The following WDR26 variants were observed in gnomAD, a reference collection of about 807,000 sequenced individuals.
WDR26 encodes WD repeat-containing protein 26.
In WDR26, 5 loss-of-function variants were observed where a neutral mutation model predicts 84.1. That is an observed-to-expected ratio of 0.06 (90% CI 0.03 to 0.13). The LOEUF is 0.13. Among genes scored for constraint, WDR26 ranks in the 10% least tolerant of loss-of-function variants. WDR26 has a pLI of 1.00. For missense variants in WDR26, 642 were observed against 974.9 expected, an observed-to-expected ratio of 0.66 and a Z score of 4.55; for synonymous variants, 415 against 389.6, an observed-to-expected ratio of 1.07 and a Z score of -0.77.
chr1:224,391,851 C>G (rs955168722), intron 13 of WDR26, among the ~76,000 whole-genome samples: 3 of 152,178 alleles, frequency 2.0e-5, no homozygotes, highest in Non-Finnish European at 4.4e-5. Flanking sequence ...AGCCAAACAT[C>G]TGGTTATACA....
chr1:224,405,314 C>T (rs563446704), intron 7 of WDR26, among the ~76,000 whole-genome samples: 1 of 152,212 alleles, frequency 6.6e-6, no homozygotes, highest in South Asian at 2.1e-4. Flanking sequence ...TTTGTTTATC[C>T]ATTCATGAGG....
rs944037857 is a variant in WDR26, at chr1:224,386,267, C to T, written c.*3568G>A. ...GGAGGGCAACCCAAAAGGACAGTTG[C>T]GAAATTATGAATGAGAAATTAAAGT... On this transcript the variant is annotated 3_prime_UTR_variant, in exon 14 of 14. Coordinates refer to ENST00000414423, the MANE Select transcript of WDR26 (RefSeq NM_001379403.1). 3 of 152,342 alleles carry T rather than the reference C, an allele frequency of 2.0e-5. No homozygotes were observed. The highest frequency in any genetic ancestry group is 3.8e-4 in the East Asian group (2 of 5,198). The allele number at this position is 152,342 out of a possible 1,614,324, so 9.4% of individuals were successfully genotyped here.
At chr1:224,427,638 T>C (rs1435265402) in intron 3 of WDR26, among the ~76,000 whole-genome samples, 1 of 152,210 alleles carries the variant, frequency 6.6e-6, no homozygotes, top group Non-Finnish European at 1.5e-5. Flanking sequence ...TATCAAATCC[T>C]GGTATTGTGC....
At chr1:224,413,949 A>G (rs906886045) in intron 6 of WDR26, among the ~76,000 whole-genome samples, 5 of 151,894 alleles carry the variant, frequency 3.3e-5, no homozygotes, top group Non-Finnish European at 7.4e-5. Context: ...AGCTGGGATT[A>G]CAGGTGCGCA....
At position 224,434,155 on chromosome 1, in the gene WDR26, G is replaced by A; in HGVS notation, c.251C>T (p.Ala84Val). 1.4e-6 allele frequency: 2 copies of A among 1,422,124 alleles called. No individual in the cohort carries two copies. The highest frequency in any genetic ancestry group is 1.5e-5 in the South Asian group (1 of 65,498). The allele number at this position is 1,422,124 out of a possible 1,614,324, so 88.1% of individuals were successfully genotyped here. Residue 84 changes from alanine (A) to valine (V), a missense_variant, in exon 1 of 14, where the codon GCT becomes GTT. This residue lies in a region of WDR26 where 291 missense variants were observed against 302.1 expected (regional missense o/e 0.96). Transcript: ENST00000414423. ...GCCGCTACTTCGGTGGGGGACAGCA[G>A]CGGCGGCGGGAGGGGCAGCAGCCGG...
At chr1:224,418,529 TTAAA>T (rs1673970638) in intron 5 of WDR26, 113 bp from the exon 6 acceptor site, 1 of 1,022,196 alleles carries the variant, frequency 9.8e-7, no homozygotes. Flanking sequence ...TATCTATTCC[TTAAA>T]TAGAGAAGTT....
At chr1:224,400,457 G>A (rs35603623) in intron 9 of WDR26, among the ~76,000 whole-genome samples, 502 of 8,616 alleles carry the variant, frequency 0.058, 2 homozygotes, top group Non-Finnish European at 0.37. Flanking sequence ...ATGTTTAAAA[G>A]AAAGGAAAAA....
intron 3 of WDR26, 68 bp from the exon 4 acceptor site, chr1:224,424,722 A>T (rs1166604411): frequency 6.2e-7 from 1 of 1,602,766 alleles, no homozygotes; most frequent in Admixed American, 1.7e-5. Context: ...GTTTGTGCCT[A>T]AACAGAACAG....
chr1:224,402,849 G>C (rs1218825024), intron 8 of WDR26, among the ~76,000 whole-genome samples: 2 of 151,920 alleles, frequency 1.3e-5, no homozygotes. Flanking sequence ...GACAAAAATG[G>C]CATAAAACAC....
intron 7 of WDR26, among the ~76,000 whole-genome samples, chr1:224,407,151 A>AAAAATATATATATATATATAT: frequency 2.5e-4 from 3 of 11,864 alleles, no homozygotes; most frequent in Non-Finnish European, 2.8e-4. Flanking sequence ...AAAAAAAAAA[A>AAAAATATATATATATATATAT]ATATATATAT....
At chr1:224,416,389 G>A (rs1419020644) in intron 6 of WDR26, among the ~76,000 whole-genome samples, 2 of 151,782 alleles carry the variant, frequency 1.3e-5, no homozygotes, top group Non-Finnish European at 2.9e-5. Context: ...CACCACGCCC[G>A]GCTAATTTTT....
rs770721171 is a variant in WDR26 at position 224,403,431 on chromosome 1, C to T, written c.1599+999G>A. 7.6e-4 allele frequency among the ~76,000 whole-genome samples: 116 copies of T among 152,276 alleles called. 1 individual carries two copies. Among genetic ancestry groups the T allele is most frequent in the Admixed American group, 1.4e-3 (22 of 15,298 alleles). On this transcript the variant is annotated intron_variant, in intron 8 of 13. Transcript: ENST00000414423. ...ATTGTTGAATTTACAGTGGTGGGCA[C>T]ATAGATCATCATTGTCCTATTTTGA... is the stretch of plus-strand genomic sequence containing the variant.
chr1:224,413,067 T>C (rs1673782774), intron 6 of WDR26: 1 of 181,906 alleles, frequency 5.5e-6, no homozygotes, highest in Non-Finnish European at 1.2e-5. Flanking sequence ...CACATGCCTG[T>C]ACTCTCAGCT....
rs929511058 is a variant in WDR26, at chr1:224,434,747, G to A, written c.-342C>T. The A allele has an allele frequency of 1.1e-5, 11 of 986,922 alleles. No individual in the cohort carries two copies. In the South Asian group the frequency reaches 2.7e-4, roughly 24 times the overall value. The allele number at this position is 986,922 out of a possible 1,614,324, so 61.1% of individuals were successfully genotyped here. On this transcript the variant is annotated 5_prime_UTR_variant, in exon 1 of 14. Coordinates refer to ENST00000414423, the MANE Select transcript of WDR26 (RefSeq NM_001379403.1). ...AGCTGCCGCCTCTGTCCTCGGATCC[G>A]CTCCGCTCTGCTCCCTGGTGTGTTG...
chr1:224,413,361 T>C, intron 6 of WDR26: 1 of 1,170,156 alleles, frequency 8.5e-7, no homozygotes, highest in Middle Eastern at 2.3e-4. Context: ...CATTTAAAAA[T>C]AAATTAACAT....
chr1:224,411,628 G>T, intron 6 of WDR26, 63 bp from the exon 7 acceptor site: 2 of 1,454,144 alleles, frequency 1.4e-6, no homozygotes, highest in Non-Finnish European at 1.8e-6. Context: ...TAATAAAAAA[G>T]GTTAAATAAC....
At chr1:224,413,211 C>G (rs1000552856) in intron 6 of WDR26, 10 of 696,506 alleles carry the variant, frequency 1.4e-5, no homozygotes, top group Admixed American at 4.8e-5. Flanking sequence ...ACAAAAACCC[C>G]CCCCCCCAAA....
intron 11 of WDR26, 123 bp downstream of exon 11, chr1:224,398,392 T>A (rs1673318863): frequency 1.7e-6 from 2 of 1,196,920 alleles, no homozygotes; most frequent in African/African-American, 1.6e-5. Context: ...TAAGGATCAA[T>A]CACATGCAAT....
At chr1:224,411,634 A>G in intron 6 of WDR26, 69 bp from the exon 7 acceptor site, 4 of 1,454,426 alleles carry the variant, frequency 2.8e-6, no homozygotes, top group Non-Finnish European at 3.7e-6. Context: ...AAAAGGTTAA[A>G]TAACTGACAA....
Sources: gnomAD v4.1 joint callset for allele counts (sites outside exome capture counted in the v4.1 genomes callset) on GRCh38, gnomAD v4.1.1 for gene constraint, gnomAD v4.1.1 regional missense constraint, MANE v1.5 for transcripts, NCBI Gene and HGNC (gene_info 2026-07-23, HGNC 2026-07-21) for gene names.